Variants in SPMIP3 observed in about 807,000 individuals in gnomAD.
SPMIP3 encodes sperm microtubule inner protein 3.
the SPMIP3 span, chr1:244,375,457 A>T: frequency 6.2e-7 from 1 of 1,613,552 alleles, no homozygotes; most frequent in East Asian, 2.2e-5. Context: ...TAGTGCAAAG[A>T]GAGCTCCCAG....
At chr1:244,386,643 TA>T in the SPMIP3 span, among the ~76,000 whole-genome samples, 73 of 152,260 alleles carry the variant, frequency 4.8e-4, no homozygotes, top group African/African-American at 1.6e-3. Flanking sequence ...TTTGACTCCA[TA>T]AAAAAACTTG....
At chr1:244,355,404 G>C in the SPMIP3 span, among the ~76,000 whole-genome samples, 61,711 of 151,908 alleles carry the variant, frequency 0.41, 13,034 homozygotes, top group Middle Eastern at 0.51. Flanking sequence ...TTGATTGATT[G>C]ATTGAGACGG....
chr1:244,360,294 T>G, the SPMIP3 span, among the ~76,000 whole-genome samples: 1 of 152,168 alleles, frequency 6.6e-6, no homozygotes, highest in Admixed American at 6.6e-5. Context: ...ACAGCCACTA[T>G]GGAGAACAGT....
the SPMIP3 span, among the ~76,000 whole-genome samples, chr1:244,369,480 T>C: frequency 1.3e-5 from 2 of 152,178 alleles, no homozygotes; most frequent in African/African-American, 2.4e-5. Flanking sequence ...CCGTGGTTCA[T>C]TGCCACACGC....
chr1:244,363,007 C>CTT, the SPMIP3 span, among the ~76,000 whole-genome samples: 240 of 142,772 alleles, frequency 1.7e-3, 2 homozygotes, highest in African/African-American at 5.7e-3. Context: ...CCACACCAGG[C>CTT]TTTTTTTTTT....
the SPMIP3 span, chr1:244,389,036 C>T: frequency 6.2e-7 from 1 of 1,613,684 alleles, no homozygotes; most frequent in Non-Finnish European, 8.5e-7. Flanking sequence ...AAGAGAGAAG[C>T]AGCTTTGAAA....
At chr1:244,378,596 A>G in the SPMIP3 span, 1 of 1,614,042 alleles carries the variant, frequency 6.2e-7, no homozygotes, top group African/African-American at 1.3e-5. Context: ...GGTATAAAGA[A>G]ACCACTTACC....
At chr1:244,382,941 A>C in the SPMIP3 span, among the ~76,000 whole-genome samples, 1 of 151,966 alleles carries the variant, frequency 6.6e-6, no homozygotes, top group African/African-American at 2.4e-5. Flanking sequence ...GGAGGGGAAA[A>C]GTTTCTCAGG....
chr1:244,374,308 C>A, the SPMIP3 span, among the ~76,000 whole-genome samples: 1 of 152,018 alleles, frequency 6.6e-6, no homozygotes, highest in Admixed American at 6.6e-5. Flanking sequence ...CTCAATGATG[C>A]TCCCAAAACT....
At chr1:244,373,802 G>T in the SPMIP3 span, among the ~76,000 whole-genome samples, 1 of 151,840 alleles carries the variant, frequency 6.6e-6, no homozygotes, top group Non-Finnish European at 1.5e-5. Flanking sequence ...AAAAGGAAAA[G>T]CAATGTACTA....
the SPMIP3 span, among the ~76,000 whole-genome samples, chr1:244,375,855 T>C: frequency 2.0e-5 from 3 of 152,060 alleles, no homozygotes; most frequent in African/African-American, 7.2e-5. Flanking sequence ...TTAGTAGAGA[T>C]AGGGTTTCAC....
At chr1:244,378,185 G>A in the SPMIP3 span, among the ~76,000 whole-genome samples, 1 of 152,124 alleles carries the variant, frequency 6.6e-6, no homozygotes, top group Admixed American at 6.6e-5. Flanking sequence ...TGGAGCGCGG[G>A]GAGTGGCTGT....
chr1:244,371,976 A>T, the SPMIP3 span, among the ~76,000 whole-genome samples: 2 of 152,230 alleles, frequency 1.3e-5, no homozygotes, highest in Admixed American at 6.5e-5. Flanking sequence ...TTTTTCTGCA[A>T]ATCAGAGCTC....
the SPMIP3 span, among the ~76,000 whole-genome samples, chr1:244,379,495 C>T: frequency 1.3e-5 from 2 of 152,146 alleles, no homozygotes; most frequent in African/African-American, 4.8e-5. Context: ...TGTGAGCCAC[C>T]ACACCTGGTT....
the SPMIP3 span, among the ~76,000 whole-genome samples, chr1:244,359,519 C>T: frequency 1.3e-5 from 2 of 151,914 alleles, no homozygotes; most frequent in African/African-American, 4.8e-5. Context: ...GGCAAAAGTT[C>T]GAGACCAGCC....
At chr1:244,385,175 G>A in the SPMIP3 span, among the ~76,000 whole-genome samples, 6 of 152,208 alleles carry the variant, frequency 3.9e-5, no homozygotes, top group African/African-American at 9.6e-5. Context: ...TTACAGGCAT[G>A]AGCCACCGTG....
the SPMIP3 span, among the ~76,000 whole-genome samples, chr1:244,358,887 T>C: frequency 2.6e-5 from 4 of 152,104 alleles, no homozygotes; most frequent in African/African-American, 9.7e-5. Context: ...GAATCTTCTA[T>C]TAAGGCAACT....
chr1:244,385,214 T>C, the SPMIP3 span, among the ~76,000 whole-genome samples: 1 of 152,330 alleles, frequency 6.6e-6, no homozygotes, highest in Admixed American at 6.5e-5. Context: ...TTGATCAGAT[T>C]TTCAGGGCAG....
the SPMIP3 span, among the ~76,000 whole-genome samples, chr1:244,373,332 T>TTTATA: frequency 1.9e-3 from 161 of 85,198 alleles, 17 homozygotes; most frequent in African/African-American, 6.4e-3. Flanking sequence ...CAAAAAAAAA[T>TTTATA]TATATATATA....
Sources: allele counts gnomAD v4.1 joint callset (sites outside exome capture counted in the v4.1 genomes callset), GRCh38; gene constraint gnomAD v4.1.1; transcripts MANE v1.5; gene names NCBI Gene and HGNC (gene_info 2026-07-23, HGNC 2026-07-21).